Variants in SCUBE2 observed in about 807,000 individuals in gnomAD.
The protein encoded by SCUBE2 is signal peptide, CUB domain and EGF like domain containing 2, also known as signal peptide, CUB and EGF-like domain-containing protein 2.
Under a neutral mutation model 125.9 loss-of-function variants are expected in SCUBE2, and 114 were observed. That is an observed-to-expected ratio of 0.91 (90% CI 0.78 to 1.06). The LOEUF is 1.06. Ranked by LOEUF, SCUBE2 falls within the 50% of genes least tolerant of loss-of-function variation. The probability of loss-of-function intolerance (pLI) is 0.00; values close to 1 mark genes in which losing one functional copy is unlikely to be tolerated. For missense variants in SCUBE2, 1,255 were observed against 1,301.8 expected, an observed-to-expected ratio of 0.96 and a Z score of 0.55; for synonymous variants, 459 against 492.9, an observed-to-expected ratio of 0.93 and a Z score of 0.91.
At position 9,050,721 on chromosome 11, in the gene SCUBE2, A is replaced by T; in HGVS notation, c.1535-11T>A. On this transcript the variant is annotated splice_polypyrimidine_tract_variant and intron_variant, in intron 13 of 22. Coordinates refer to ENST00000649792, the MANE Select transcript of SCUBE2 (RefSeq NM_001367977.2). The stretch of plus-strand genomic sequence containing the variant: ...TGATGGTGGTGACATCTTCAGAAAG[A>T]AACAAGTGAGAGATGTTACCTTCAG... 6.2e-7 allele frequency: 1 copy of T among 1,601,574 alleles called. No homozygotes were observed. The highest frequency in any genetic ancestry group is 8.6e-7 in the Non-Finnish European group (1 of 1,168,472).
At chr11:9,052,991 G>T in intron 12 of SCUBE2, 108 bp downstream of exon 12, 1 of 1,087,862 alleles carries the variant, frequency 9.2e-7, no homozygotes. Context: ...CGGTGGTCGG[G>T]GCATCTGGCG....
At chr11:9,036,821 A>G (rs1289323979) in intron 16 of SCUBE2, among the ~76,000 whole-genome samples, 1 of 152,218 alleles carries the variant, frequency 6.6e-6, no homozygotes, top group Admixed American at 6.5e-5. Flanking sequence ...TGACCTTTAG[A>G]GAGACCTCAC....
chr11:9,039,104 T>C (rs1038933146), intron 16 of SCUBE2, among the ~76,000 whole-genome samples: 3 of 152,204 alleles, frequency 2.0e-5, no homozygotes, highest in Admixed American at 2.0e-4. Flanking sequence ...TGGTCCTCTG[T>C]CTCGGCATCC....
chr11:9,056,800 A>G (rs1274345048), intron 9 of SCUBE2, among the ~76,000 whole-genome samples: 2 of 152,248 alleles, frequency 1.3e-5, no homozygotes, highest in Admixed American at 6.5e-5. Context: ...TGGATAAACC[A>G]GGACCAGTGC....
At chr11:9,024,050 G>A (rs1855526508) in intron 21 of SCUBE2, 1 of 256,076 alleles carries the variant, frequency 3.9e-6, no homozygotes, top group Admixed American at 6.5e-5. Context: ...CTTCTCTGTG[G>A]GGAAAATAGC....
At chr11:9,090,927 T>C (rs893271540) in intron 1 of SCUBE2, among the ~76,000 whole-genome samples, 1 of 152,216 alleles carries the variant, frequency 6.6e-6, no homozygotes, top group African/African-American at 2.4e-5. Context: ...GAACAGGCGC[T>C]GTTCCGCTGA....
intron 3 of SCUBE2, among the ~76,000 whole-genome samples, chr11:9,078,548 C>G (rs1489222826): frequency 6.6e-6 from 1 of 152,186 alleles, no homozygotes; most frequent in African/African-American, 2.4e-5. Context: ...CCTACCACAC[C>G]ATAAGGGGGC....
At chr11:9,076,216 G>A (rs923238225) in intron 3 of SCUBE2, among the ~76,000 whole-genome samples, 1 of 152,092 alleles carries the variant, frequency 6.6e-6, no homozygotes, top group Non-Finnish European at 1.5e-5. Flanking sequence ...ACCCTGCCAG[G>A]GGCAGGGAGG....
intron 2 of SCUBE2, among the ~76,000 whole-genome samples, chr11:9,087,435 C>A (rs569571872): frequency 3.9e-5 from 6 of 151,976 alleles, no homozygotes. Flanking sequence ...TATTTAATAC[C>A]GAAAGTGTGT....
At position 9,025,738 on chromosome 11, in the gene SCUBE2, C is replaced by G; in HGVS notation, c.2818G>C (p.Ala940Pro). Residue 940 changes from alanine (A) to proline (P), a missense_variant, in exon 21 of 23, where the codon GCT (alanine) becomes CCT (proline). Ala to Pro is a conservative substitution (Grantham distance 27, BLOSUM62 -1). Coordinates refer to ENST00000649792, the MANE Select transcript of SCUBE2 (RefSeq NM_001367977.2). The part of the protein sequence containing the change: ...IQFKSNEGNS[A>P]RGFQVPYVTY... ...ACGTATGGGACCTGGAACCCTCTAG[C>G]GCTGTTCCCTTCATTGGACTTGAAC... is the stretch of plus-strand genomic sequence containing the variant. 2 of 1,614,168 alleles carry G rather than the reference C, an allele frequency of 1.2e-6. No homozygotes were observed. Among genetic ancestry groups the G allele is most frequent in the Non-Finnish European group, 1.7e-6 (2 of 1,180,028 alleles).
intron 13 of SCUBE2, among the ~76,000 whole-genome samples, chr11:9,051,590 G>T (rs376971435): frequency 3.3e-5 from 5 of 152,114 alleles, no homozygotes; most frequent in Non-Finnish European, 7.3e-5. Flanking sequence ...TTAACCATCC[G>T]GTAGGATCTG....
intron 4 of SCUBE2, among the ~76,000 whole-genome samples, chr11:9,073,291 GGCACAAGATAGGAAATCT>G (rs1860956712): frequency 6.6e-6 from 1 of 152,078 alleles, no homozygotes; most frequent in Non-Finnish European, 1.5e-5. Flanking sequence ...GGCCACACCT[GGCACAAGATAGGAAATCT>G]GCCTGATCAA....
intron 16 of SCUBE2, among the ~76,000 whole-genome samples, chr11:9,043,842 A>G (rs1008540615): frequency 6.6e-6 from 1 of 152,146 alleles, no homozygotes; most frequent in Non-Finnish European, 1.5e-5. Context: ...CAAAAATGAA[A>G]AGGATCAATG....
intron 2 of SCUBE2, among the ~76,000 whole-genome samples, chr11:9,085,781 G>A (rs1048580909): frequency 6.6e-6 from 1 of 151,678 alleles, no homozygotes; most frequent in Non-Finnish European, 1.5e-5. Flanking sequence ...CTTGTACAAA[G>A]GCCAACTTTA....
intron 14 of SCUBE2, 65 bp downstream of exon 14, chr11:9,050,541 C>T (rs1858244332): frequency 3.9e-6 from 5 of 1,282,436 alleles, no homozygotes; most frequent in Admixed American, 1.7e-5. Flanking sequence ...ACCTCCAGCT[C>T]GGCTGGCTGC....
intron 21 of SCUBE2, chr11:9,024,542 A>G (rs1454788428): frequency 1.5e-5 from 8 of 526,896 alleles, no homozygotes; most frequent in Admixed American, 2.6e-5. Context: ...GATTAAGTCT[A>G]TCCTCCAGAG....
intron 10 of SCUBE2, among the ~76,000 whole-genome samples, chr11:9,054,725 ATTTTTTTTTTTTTT>A (rs1174774188): frequency 4.5e-5 from 1 of 22,344 alleles, no homozygotes; most frequent in Non-Finnish European, 7.1e-5. Context: ...ATATATATAT[ATTTTTTTTTTTTTT>A]TTTTTTTTTT....
intron 13 of SCUBE2, 21 bp from the exon 14 acceptor site, chr11:9,050,731 G>A: frequency 1.3e-6 from 2 of 1,582,692 alleles, no homozygotes; most frequent in Non-Finnish European, 1.7e-6. Flanking sequence ...AAACAAGTGA[G>A]AGATGTTACC....
At chr11:9,071,264 T>C (rs973638891) in intron 4 of SCUBE2, among the ~76,000 whole-genome samples, 1 of 152,204 alleles carries the variant, frequency 6.6e-6, no homozygotes, top group Non-Finnish European at 1.5e-5. Context: ...TACAAGACTG[T>C]TAAGACATTT....
Sources: gnomAD v4.1 joint callset for allele counts (sites outside exome capture counted in the v4.1 genomes callset) on GRCh38, gnomAD v4.1.1 for gene constraint, MANE v1.5 for transcripts, NCBI Gene and HGNC (gene_info 2026-07-23, HGNC 2026-07-21) for gene names.